Variants in GRIA1 observed in about 807,000 individuals in gnomAD.
GRIA1 encodes glutamate ionotropic receptor AMPA type subunit 1, also known as glutamate receptor 1.
A neutral mutation model predicts 99.2 loss-of-function variants in GRIA1; 31 were observed. The ratio of observed to expected loss-of-function variants is 0.31; its 90% CI spans 0.23 to 0.42. The LOEUF (loss-of-function observed/expected upper bound fraction) is 0.42, where lower values mean the gene tolerates loss of function less well. Among genes scored for constraint, GRIA1 ranks in the 10% least tolerant of loss-of-function variants. The pLI is 1.00. For synonymous variants in GRIA1, 438 were observed against 432.4 expected (o/e 1.01, Z -0.16); for missense variants, 782 against 1,157.5 (o/e 0.68, Z 4.71).
intron 11 of GRIA1, among the ~76,000 whole-genome samples, chr5:153,750,003 C>G (rs1260506261): frequency 6.6e-6 from 1 of 152,128 alleles, no homozygotes; most frequent in African/African-American, 2.4e-5. Flanking sequence ...GGGCCCTCCC[C>G]CATCTGGAGT....
At chr5:153,631,085 A>T (rs10515697) in intron 2 of GRIA1, among the ~76,000 whole-genome samples, 35,414 of 152,224 alleles carry the variant, frequency 0.23, 4,540 homozygotes, top group Non-Finnish European at 0.3. Flanking sequence ...ACATTGATTG[A>T]ACCTCTCAAT....
chr5:153,570,696 G>T (rs971559909), intron 2 of GRIA1, among the ~76,000 whole-genome samples: 1 of 152,040 alleles, frequency 6.6e-6, no homozygotes, highest in South Asian at 2.1e-4. Flanking sequence ...TCCAAGCCTC[G>T]GTTTTCTCAT....
intron 13 of GRIA1, among the ~76,000 whole-genome samples, chr5:153,791,970 A>G (rs1318557175): frequency 2.0e-5 from 3 of 152,104 alleles, no homozygotes; most frequent in African/African-American, 7.2e-5. Flanking sequence ...CCCACACTGC[A>G]TGGACTATCC....
intron 2 of GRIA1, among the ~76,000 whole-genome samples, chr5:153,600,869 A>G (rs1462945646): frequency 6.6e-6 from 1 of 152,208 alleles, no homozygotes; most frequent in African/African-American, 2.4e-5. Context: ...GTTTAACTGT[A>G]GCTTCAGCTG....
At chr5:153,543,928 G>A (rs560467453) in intron 2 of GRIA1, among the ~76,000 whole-genome samples, 2 of 151,878 alleles carry the variant, frequency 1.3e-5, no homozygotes, top group African/African-American at 4.8e-5. Context: ...ATATAGTCCT[G>A]TGGGAAAAAA....
chr5:153,526,274 A>T (rs1026482873), intron 2 of GRIA1, among the ~76,000 whole-genome samples: 3 of 152,210 alleles, frequency 2.0e-5, no homozygotes, highest in African/African-American at 7.2e-5. Context: ...CAGTCTATGA[A>T]TTAACACTTA....
At chr5:153,778,828 CTGCACCATT>C (rs2149633628) in intron 13 of GRIA1, among the ~76,000 whole-genome samples, 1 of 152,270 alleles carries the variant, frequency 6.6e-6, no homozygotes, top group East Asian at 1.9e-4. Context: ...GCTTGCTTGA[CTGCACCATT>C]TGTACTTGTG....
intron 11 of GRIA1, among the ~76,000 whole-genome samples, chr5:153,721,163 A>G (rs1461092542): frequency 2.6e-5 from 4 of 152,186 alleles, no homozygotes; most frequent in Non-Finnish European, 5.9e-5. Flanking sequence ...GGGAAAAGGG[A>G]ATTTTCTTAC....
At chr5:153,786,580 A>C (rs147932585) in intron 13 of GRIA1, among the ~76,000 whole-genome samples, 1 of 152,180 alleles carries the variant, frequency 6.6e-6, no homozygotes, top group African/African-American at 2.4e-5. Flanking sequence ...ATCTTCATAA[A>C]TGTTTGAAGT....
At chr5:153,637,615 G>C (rs1040105191) in intron 2 of GRIA1, among the ~76,000 whole-genome samples, 1 of 152,206 alleles carries the variant, frequency 6.6e-6, no homozygotes, top group African/African-American at 2.4e-5. Flanking sequence ...GTAATGGGAT[G>C]TAAATCTTCT....
Position 153,767,554 on chromosome 5 carries a change from G to T in GRIA1, c.2023-2614G>T, listed in dbSNP as rs189127122. ...CATGCATAAGCCTTTCCATCTCTGT[G>T]ACTCTGACCTTGGATAATTATCCCA... is the stretch of plus-strand genomic sequence containing the variant. On this transcript the variant is annotated intron_variant, in intron 12 of 15. Coordinates refer to ENST00000285900, the MANE Select transcript of GRIA1 (RefSeq NM_000827.4). 2.4e-3 allele frequency among the ~76,000 whole-genome samples: 370 copies of T among 152,276 alleles called. 8 individuals carry two copies. The South Asian group carries it at 0.056, about 23-fold the overall frequency.
intron 2 of GRIA1, among the ~76,000 whole-genome samples, chr5:153,584,403 A>G (rs1763297351): frequency 6.6e-6 from 1 of 152,152 alleles, no homozygotes; most frequent in African/African-American, 2.4e-5. Context: ...CTCAGTGGAA[A>G]TATTGGTTGT....
chr5:153,633,982 G>T (rs1028886946), intron 2 of GRIA1, among the ~76,000 whole-genome samples: 2 of 152,264 alleles, frequency 1.3e-5, no homozygotes, highest in African/African-American at 4.8e-5. Flanking sequence ...TAAAGATAGA[G>T]ATAAGGTATG....
chr5:153,528,208 A>T (rs1757785095), intron 2 of GRIA1, among the ~76,000 whole-genome samples: 1 of 152,190 alleles, frequency 6.6e-6, no homozygotes, highest in South Asian at 2.1e-4. Context: ...CAAATAAAAG[A>T]AACATTGCCC....
At chr5:153,586,101 C>A (rs1188730962) in intron 2 of GRIA1, among the ~76,000 whole-genome samples, 1 of 152,132 alleles carries the variant, frequency 6.6e-6, no homozygotes, top group Non-Finnish European at 1.5e-5. Context: ...TATACACAGT[C>A]CACTCTTGTG....
At chr5:153,660,057 A>T (rs978286682) in intron 5 of GRIA1, among the ~76,000 whole-genome samples, 13 of 152,176 alleles carry the variant, frequency 8.5e-5, no homozygotes, top group African/African-American at 3.1e-4. Context: ...CATTTTACAG[A>T]TGTGGGAACT....
intron 8 of GRIA1, among the ~76,000 whole-genome samples, chr5:153,687,109 C>T (rs1000853948): frequency 3.3e-5 from 5 of 152,148 alleles, no homozygotes; most frequent in Admixed American, 6.6e-5. Context: ...CATTCCCCAA[C>T]GAAGCCTTCT....
At chr5:153,798,282 T>G (rs1337710787) in intron 14 of GRIA1, among the ~76,000 whole-genome samples, 1 of 152,166 alleles carries the variant, frequency 6.6e-6, no homozygotes, top group African/African-American at 2.4e-5. Flanking sequence ...TCCCAGGAAG[T>G]AGTCAACTGC....
intron 2 of GRIA1, among the ~76,000 whole-genome samples, chr5:153,571,624 G>A (rs1214041649): frequency 2.0e-5 from 3 of 152,116 alleles, no homozygotes; most frequent in African/African-American, 7.2e-5. Context: ...ATAGTTTTCT[G>A]ACCTTTGGAC....
Sources: allele counts gnomAD v4.1 joint callset (sites outside exome capture counted in the v4.1 genomes callset), GRCh38; gene constraint gnomAD v4.1.1; transcripts MANE v1.5; gene names NCBI Gene and HGNC (gene_info 2026-07-23, HGNC 2026-07-21).